The following MYO5A variants were observed in gnomAD, a reference collection of about 807,000 sequenced individuals.
The protein encoded by MYO5A is unconventional myosin-Va.
In MYO5A, 98 loss-of-function variants were observed where a neutral mutation model predicts 249.7. The ratio of observed to expected loss-of-function variants is 0.39; its 90% CI spans 0.33 to 0.46. The LOEUF (loss-of-function observed/expected upper bound fraction) is 0.46, where lower values mean the gene tolerates loss of function less well. Among genes scored for constraint, MYO5A ranks in the 20% least tolerant of loss-of-function variants. The probability of loss-of-function intolerance (pLI) is 0.98; values close to 1 mark genes in which losing one functional copy is unlikely to be tolerated. For synonymous variants in MYO5A, 778 were observed against 810.6 expected, an observed-to-expected ratio of 0.96 and a Z score of 0.68; for missense variants, 1,696 against 2,308.8, an observed-to-expected ratio of 0.73 and a Z score of 5.44.
At chr15:52,404,491 C>T (rs1385274735) in intron 9 of MYO5A, among the ~76,000 whole-genome samples, 1 of 152,090 alleles carries the variant, frequency 6.6e-6, no homozygotes, top group African/African-American at 2.4e-5. Flanking sequence ...GTTGAATAAA[C>T]ACCATTTAAA....
intron 37 of MYO5A, among the ~76,000 whole-genome samples, chr15:52,322,031 C>T (rs1233009035): frequency 2.6e-5 from 4 of 152,142 alleles, no homozygotes; most frequent in African/African-American, 9.7e-5. Context: ...GGTTTTCAGT[C>T]AGAGGTTAGA....
intron 4 of MYO5A, 44 bp from the exon 5 acceptor site, chr15:52,416,345 T>C (rs775930530): frequency 6.3e-7 from 1 of 1,583,590 alleles, no homozygotes; most frequent in Non-Finnish European, 8.6e-7. Flanking sequence ...CATTGCTGCC[T>C]ATAGCAGGAT....
intron 1 of MYO5A, among the ~76,000 whole-genome samples, chr15:52,458,208 A>G (rs2076159364): frequency 6.6e-6 from 1 of 152,250 alleles, no homozygotes; most frequent in Admixed American, 6.5e-5. Flanking sequence ...TAGGGTGACT[A>G]TAGCTAACGA....
chr15:52,336,699 T>C (rs2039138206), intron 33 of MYO5A, 143 bp from the exon 34 acceptor site: 3 of 668,126 alleles, frequency 4.5e-6, no homozygotes, highest in East Asian at 2.7e-5. Context: ...CTGGCTAAAA[T>C]TGGCAGGCAT....
chr15:52,391,880 C>A (rs1426113055), intron 12 of MYO5A, 50 bp downstream of exon 12: 2 of 1,579,286 alleles, frequency 1.3e-6, no homozygotes, highest in Non-Finnish European at 8.7e-7. Flanking sequence ...ATCTTCTGAC[C>A]TTGATACATC....
intron 1 of MYO5A, among the ~76,000 whole-genome samples, chr15:52,441,461 A>C (rs1241740670): frequency 2.0e-5 from 3 of 152,180 alleles, no homozygotes; most frequent in Non-Finnish European, 4.4e-5. Flanking sequence ...ATATATTCTT[A>C]AACATTTCAT....
At chr15:52,387,226 G>A (rs544520984) in intron 14 of MYO5A, among the ~76,000 whole-genome samples, 10 of 152,260 alleles carry the variant, frequency 6.6e-5, no homozygotes, top group African/African-American at 2.2e-4. Flanking sequence ...TGTAGCCATC[G>A]TAGCTCTTAC....
intron 38 of MYO5A, among the ~76,000 whole-genome samples, chr15:52,320,189 T>C (rs560846821): frequency 6.6e-6 from 1 of 152,324 alleles, no homozygotes; most frequent in East Asian, 1.9e-4. Flanking sequence ...GCCCGGCTGC[T>C]TCCCTGTTGT....
chr15:52,488,807 T>G (rs1405238425), intron 1 of MYO5A, among the ~76,000 whole-genome samples: 5 of 152,166 alleles, frequency 3.3e-5, no homozygotes, highest in South Asian at 4.1e-4. Context: ...CTTTTCAAAA[T>G]AAAAAGTTTA....
At chr15:52,468,745 T>G (rs1317144852) in intron 1 of MYO5A, among the ~76,000 whole-genome samples, 1 of 152,206 alleles carries the variant, frequency 6.6e-6, no homozygotes, top group Non-Finnish European at 1.5e-5. Context: ...AAATAACCTG[T>G]GTTAGGAAGA....
At chr15:52,509,094 C>T (rs770946670) in intron 1 of MYO5A, among the ~76,000 whole-genome samples, 2 of 152,014 alleles carry the variant, frequency 1.3e-5, no homozygotes, top group Non-Finnish European at 2.9e-5. Flanking sequence ...ACCTCAGCCT[C>T]CTGAGTAACT....
At position 52,367,129 on chromosome 15, in the gene MYO5A, G is replaced by A. The variant is rs746335075; in HGVS notation, c.3067-5C>T. On this transcript the variant is annotated splice_polypyrimidine_tract_variant and splice_region_variant and intron_variant, in intron 22 of 41. Transcript: ENST00000399233. ...TTCCTTCAGATTTGATACCAGCTAC[G>A]AAATGAAACAATAAACTGAGATGGT... The A allele has an allele frequency of 2.2e-5, 36 of 1,610,430 alleles. No homozygotes were observed. The Middle Eastern group carries it at 4.9e-4, about 22-fold the overall frequency.
chr15:52,416,095 G>A (rs201440566), intron 5 of MYO5A, 50 bp downstream of exon 5: 3 of 1,605,124 alleles, frequency 1.9e-6, no homozygotes, highest in Non-Finnish European at 2.6e-6. Flanking sequence ...TTTTGAGCAT[G>A]TTTCTTATCA....
chr15:52,376,020 T>C (rs554407312), intron 19 of MYO5A, among the ~76,000 whole-genome samples: 33 of 152,388 alleles, frequency 2.2e-4, no homozygotes, highest in African/African-American at 7.7e-4. Context: ...CCAAAAATTA[T>C]ACAATGAAGT....
chr15:52,392,958 T>C (rs1157925156), intron 11 of MYO5A, among the ~76,000 whole-genome samples: 1 of 152,204 alleles, frequency 6.6e-6, no homozygotes, highest in Non-Finnish European at 1.5e-5. Context: ...GAGGCTTCCC[T>C]GAGGAGGGCT....
chr15:52,498,586 A>T (rs1162657655), intron 1 of MYO5A, among the ~76,000 whole-genome samples: 1 of 152,208 alleles, frequency 6.6e-6, no homozygotes, highest in Admixed American at 6.5e-5. Context: ...CAATGTTTAC[A>T]GGCTAAGTTT....
chr15:52,346,554 T>A (rs1230941470), intron 29 of MYO5A, 93 bp from the exon 30 acceptor site: 1 of 797,566 alleles, frequency 1.3e-6, no homozygotes, highest in Non-Finnish European at 2.1e-6. Flanking sequence ...GGGGCAGTGG[T>A]TATGTGCTCC....
intron 1 of MYO5A, among the ~76,000 whole-genome samples, chr15:52,504,816 C>T (rs55842353): frequency 6.6e-6 from 1 of 151,260 alleles, no homozygotes; most frequent in African/African-American, 2.4e-5. Flanking sequence ...TTGGACCCAG[C>T]AGGCAGAGGT....
chr15:52,451,921 T>C (rs1019424452), intron 1 of MYO5A, among the ~76,000 whole-genome samples: 5 of 152,254 alleles, frequency 3.3e-5, no homozygotes, highest in Admixed American at 2.0e-4. Flanking sequence ...TTACTCAAAC[T>C]GATGCCCACA....
Sources: gnomAD v4.1 joint callset for allele counts (sites outside exome capture counted in the v4.1 genomes callset) on GRCh38, gnomAD v4.1.1 for gene constraint, MANE v1.5 for transcripts, NCBI Gene and HGNC (gene_info 2026-07-23, HGNC 2026-07-21) for gene names.